Variants in KDM4C observed in about 807,000 individuals in gnomAD.
The protein encoded by KDM4C is lysine-specific demethylase 4C.
A neutral mutation model predicts 129.3 loss-of-function variants in KDM4C; 81 were observed. That is an observed-to-expected ratio of 0.63 (90% CI 0.52 to 0.75). The LOEUF (loss-of-function observed/expected upper bound fraction) is 0.75, where lower values mean the gene tolerates loss of function less well. Ranked by LOEUF, KDM4C falls within the 30% of genes least tolerant of loss-of-function variation. The pLI is 0.00. For missense variants in KDM4C, 1,457 were observed against 1,304.0 expected (o/e 1.12, Z -1.81); for synonymous variants, 573 against 456.1 (o/e 1.26, Z -3.26).
chr9:7,104,119 C>G (rs1024250766), intron 18 of KDM4C: 6 of 447,966 alleles, frequency 1.3e-5, no homozygotes, highest in Admixed American at 1.0e-4. Context: ...TGAACAGATG[C>G]ATGCAGAAAA....
intron 18 of KDM4C, among the ~76,000 whole-genome samples, chr9:7,114,674 C>G (rs923709785): frequency 2.5e-4 from 38 of 152,048 alleles, no homozygotes; most frequent in African/African-American, 7.2e-4. Context: ...AAAAGCAGAC[C>G]CATCAGAATG....
chr9:7,115,257 G>C (rs1327365097), intron 18 of KDM4C, among the ~76,000 whole-genome samples: 12 of 151,866 alleles, frequency 7.9e-5, no homozygotes, highest in Admixed American at 7.9e-4. Flanking sequence ...CAAAATGCTT[G>C]CTTGCTTTTT....
At chr9:6,925,241 G>A (rs1302070706) in intron 8 of KDM4C, 18 of 985,172 alleles carry the variant, frequency 1.8e-5, no homozygotes, top group African/African-American at 5.2e-5. Context: ...AGCTTCAGAC[G>A]GAATAATTAT....
intron 3 of KDM4C, among the ~76,000 whole-genome samples, chr9:6,808,969 A>G (rs1830650432): frequency 6.8e-6 from 1 of 147,454 alleles, no homozygotes; most frequent in Non-Finnish European, 1.5e-5. Context: ...AAAGACCAAC[A>G]AAAAATCATA....
intron 7 of KDM4C, among the ~76,000 whole-genome samples, chr9:6,888,526 A>G (rs1410820051): frequency 2.0e-5 from 3 of 152,216 alleles, no homozygotes; most frequent in African/African-American, 7.2e-5. Context: ...TGATGATTTA[A>G]TAATCTGATA....
chr9:6,813,036 A>T (rs1287269371), intron 3 of KDM4C, among the ~76,000 whole-genome samples: 1 of 152,044 alleles, frequency 6.6e-6, no homozygotes, highest in Non-Finnish European at 1.5e-5. Context: ...TTAGCCAGGC[A>T]TGGTGGTGCA....
intron 15 of KDM4C, among the ~76,000 whole-genome samples, chr9:7,036,895 A>G (rs1423250481): frequency 6.6e-6 from 1 of 152,198 alleles, no homozygotes; most frequent in Non-Finnish European, 1.5e-5. Flanking sequence ...ACTAAGTGAG[A>G]GAACTTACTT....
At chr9:7,170,067 C>T (rs767642778) in intron 21 of KDM4C, 177 bp downstream of exon 21, 7 of 1,503,484 alleles carry the variant, frequency 4.7e-6, no homozygotes, top group Admixed American at 4.2e-5. Context: ...CAACCAAAAT[C>T]GGGGAAATTA....
At chr9:6,958,315 T>C (rs901048184) in intron 8 of KDM4C, among the ~76,000 whole-genome samples, 1 of 152,162 alleles carries the variant, frequency 6.6e-6, no homozygotes, top group Non-Finnish European at 1.5e-5. Context: ...GCCGGTGCGG[T>C]GGCTCACGCT....
At chr9:6,728,480 A>G (rs2988408) in intron 1 of KDM4C, among the ~76,000 whole-genome samples, 87,356 of 151,290 alleles carry the variant, frequency 0.58, 25,499 homozygotes, top group African/African-American at 0.68. Context: ...GTTTCAGTGA[A>G]CTGAGATCAC....
intron 12 of KDM4C, among the ~76,000 whole-genome samples, chr9:7,005,721 C>T (rs562635224): frequency 9.2e-5 from 14 of 152,206 alleles, no homozygotes; most frequent in South Asian, 6.2e-4. Context: ...TACTAGGTTG[C>T]GCATACCAGC....
At chr9:7,069,233 A>T (rs1832872527) in intron 17 of KDM4C, among the ~76,000 whole-genome samples, 1 of 152,214 alleles carries the variant, frequency 6.6e-6, no homozygotes, top group Non-Finnish European at 1.5e-5. Context: ...AATGATGTTA[A>T]AATAATGATG....
At chr9:6,838,232 A>G (rs973516915) in intron 4 of KDM4C, among the ~76,000 whole-genome samples, 6 of 152,212 alleles carry the variant, frequency 3.9e-5, no homozygotes, top group African/African-American at 1.2e-4. Flanking sequence ...TTGACGACAG[A>G]ATAAGACAAC....
chr9:7,141,210 T>G (rs894789055), intron 19 of KDM4C, among the ~76,000 whole-genome samples: 1 of 152,226 alleles, frequency 6.6e-6, no homozygotes, highest in Non-Finnish European at 1.5e-5. Flanking sequence ...AATACAGTCA[T>G]GGGTTCTTAG....
At chr9:6,965,119 T>C (rs1830717278) in intron 8 of KDM4C, among the ~76,000 whole-genome samples, 1 of 152,116 alleles carries the variant, frequency 6.6e-6, no homozygotes, top group East Asian at 1.9e-4. Context: ...TTCCCATTAC[T>C]CTTTCTTGCA....
intron 1 of KDM4C, among the ~76,000 whole-genome samples, chr9:6,752,462 A>C (rs1025741698): frequency 2.1e-5 from 3 of 144,564 alleles, no homozygotes; most frequent in Non-Finnish European, 4.5e-5. Flanking sequence ...CCAAGCTGGA[A>C]TGCAATGGCA....
chr9:7,167,699 A>C (rs943432455), intron 20 of KDM4C, among the ~76,000 whole-genome samples: 3 of 152,228 alleles, frequency 2.0e-5, no homozygotes, highest in Non-Finnish European at 4.4e-5. Context: ...ATCTTTATTA[A>C]GACCGTGGTG....
In KDM4C at chr9:6,827,484, AC is replaced by A. The variant is rs372247147; in HGVS notation, c.435+12741del. Among the ~76,000 whole-genome samples the A allele has an allele frequency of 2.0e-3, 299 of 152,288 alleles. 3 individuals are homozygous for A. The highest frequency in any genetic ancestry group is 5.8e-3 in the African/African-American group (241 of 41,568). On this transcript the variant is annotated intron_variant, in intron 4 of 21. Transcript: ENST00000381309. ...AAGGTGTTAGACATAGTGGCATTTA[AC>A]CTATAGACTTTTTTTCCCTCTCCCT...
chr9:6,952,916 C>T (rs7026899), intron 8 of KDM4C, among the ~76,000 whole-genome samples: 44,967 of 151,956 alleles, frequency 0.3, 7,069 homozygotes, highest in South Asian at 0.47. Context: ...GGTTTGCAGT[C>T]GGGGGAGGGA....
Sources: allele counts gnomAD v4.1 joint callset (sites outside exome capture counted in the v4.1 genomes callset), GRCh38; gene constraint gnomAD v4.1.1; transcripts MANE v1.5; gene names NCBI Gene and HGNC (gene_info 2026-07-23, HGNC 2026-07-21).